The following NOS1 variants were observed in gnomAD, a reference collection of about 807,000 sequenced individuals.
NOS1 encodes the protein nitric oxide synthase 1.
NOS1 carries 51 observed loss-of-function variants against 164.5 expected under a neutral mutation model. The observed-to-expected ratio is 0.31, with a 90% CI of 0.25 to 0.39. NOS1 has a LOEUF of 0.39. NOS1 is among the 10% of genes least tolerant of loss of function. The pLI is 1.00. For missense variants in NOS1, 1,362 were observed against 1,885.6 expected (o/e 0.72, Z 5.14); for synonymous variants, 719 against 745.8 (o/e 0.96, Z 0.59).
At chr12:117,256,282 C>CTTTTTTTTTTTTTTTTTTTTTTTTTTTT (rs1566042530) in intron 16 of NOS1, among the ~76,000 whole-genome samples, 1 of 76,810 alleles carries the variant, frequency 1.3e-5, no homozygotes, top group African/African-American at 1.1e-4. Flanking sequence ...AAGGGATTTT[C>CTTTTTTTTTTTTTTTTTTTTTTTTTTTT]TGTTTTTTTT....
intron 2 of NOS1, among the ~76,000 whole-genome samples, chr12:117,324,276 G>A (rs1380064359): frequency 6.6e-6 from 1 of 152,178 alleles, no homozygotes; most frequent in East Asian, 1.9e-4. Flanking sequence ...CTATTTGTAA[G>A]TGACCAAGTG....
At chr12:117,223,174 C>G (rs796090110) in intron 25 of NOS1, among the ~76,000 whole-genome samples, 5 of 152,298 alleles carry the variant, frequency 3.3e-5, no homozygotes, top group African/African-American at 1.2e-4. Context: ...GGAGCCCCCA[C>G]CTGATGCCCA....
At chr12:117,303,149 G>C (rs919552904) in intron 3 of NOS1, among the ~76,000 whole-genome samples, 1 of 152,116 alleles carries the variant, frequency 6.6e-6, no homozygotes, top group Admixed American at 6.5e-5. Flanking sequence ...GCATTTTACT[G>C]GTTTGCCTTC....
Position 117,331,000 on chromosome 12 carries a change from T to G in NOS1, c.70A>C (p.Lys24Gln). 6.2e-7 allele frequency: 1 copy of G among 1,614,154 alleles called. No homozygotes were observed. Among genetic ancestry groups the G allele is most frequent in the Non-Finnish European group, 8.5e-7 (1 of 1,180,032 alleles). ...NVISVRLFKR[K>Q]VGGLGFLVKE... is the part of the protein sequence containing the mutation. ...ACCAGAAATCCCAGGCCCCCAACTT[T>G]GCGCTTGAAGAGACGAACAGAAATG... is the stretch of plus-strand genomic sequence containing the variant. Residue 24 changes from lysine to glutamine, a missense_variant, in exon 2 of 29, where the codon AAA becomes CAA. By Grantham distance (53) the Lys-to-Gln change is moderately conservative. Transcript: ENST00000317775. The surrounding 1 kb of genome is among the most constrained non-coding windows in gnomAD (Gnocchi z 4.6).
At chr12:117,260,845 G>C (rs144928947) in intron 13 of NOS1, among the ~76,000 whole-genome samples, 2 of 151,856 alleles carry the variant, frequency 1.3e-5, no homozygotes, top group African/African-American at 4.8e-5. Flanking sequence ...CTTCTCTAGA[G>C]ATAATGCTGG....
intron 2 of NOS1, among the ~76,000 whole-genome samples, chr12:117,325,912 C>A (rs1875222349): frequency 6.6e-6 from 1 of 152,154 alleles, no homozygotes; most frequent in Admixed American, 6.5e-5. Flanking sequence ...TTATAAGTTA[C>A]TTTTATGAGG....
intron 5 of NOS1, among the ~76,000 whole-genome samples, chr12:117,287,171 G>A (rs1872762325): frequency 1.3e-5 from 2 of 152,062 alleles, no homozygotes; most frequent in African/African-American, 4.8e-5. Flanking sequence ...CCAAGATCAT[G>A]CCACTGCACT....
Position 117,234,439 on chromosome 12 carries a change from G to A in NOS1, c.3235+126C>T. The A allele has an allele frequency of 1.1e-6, 1 of 944,636 alleles. No individual in the cohort carries two copies. The highest frequency in any genetic ancestry group is 1.7e-5 in the South Asian group (1 of 58,148). The allele number at this position is 944,636 out of a possible 1,614,324, so 58.5% of individuals were successfully genotyped here. Reference sequence around the variant, plus strand: ...AAGGGGGATATCTTTAGTCTCATAGGCTGTTAGCAACAGACACCCACTCTC... The same window carrying A: ...AAGGGGGATATCTTTAGTCTCATAGACTGTTAGCAACAGACACCCACTCTC... On this transcript the variant is annotated intron_variant, in intron 21 of 28. Coordinates refer to ENST00000317775, the MANE Select transcript of NOS1 (RefSeq NM_000620.5). The surrounding 1 kb of genome is among the most constrained non-coding windows in gnomAD (Gnocchi z 4.3).
chr12:117,282,426 G>A (rs1209660968), intron 7 of NOS1, among the ~76,000 whole-genome samples: 2 of 152,150 alleles, frequency 1.3e-5, no homozygotes, highest in Non-Finnish European at 2.9e-5. Context: ...GTCCAGAACT[G>A]TGTCCCTGCT....
chr12:117,308,893 C>T (rs1477620364), intron 3 of NOS1, among the ~76,000 whole-genome samples: 1 of 152,010 alleles, frequency 6.6e-6, no homozygotes, highest in African/African-American at 2.4e-5. Flanking sequence ...CCGTGCCTGG[C>T]CATAGATTAT....
chr12:117,304,029 G>A (rs1391664032), intron 3 of NOS1, among the ~76,000 whole-genome samples: 4 of 152,118 alleles, frequency 2.6e-5, no homozygotes, highest in Admixed American at 2.6e-4. Context: ...AAAATTAGCC[G>A]GGCGTGGCGG....
chr12:117,226,959 C>T (rs775473974), intron 23 of NOS1, among the ~76,000 whole-genome samples, 189 bp from the exon 24 acceptor site: 4 of 152,260 alleles, frequency 2.6e-5, no homozygotes, highest in Non-Finnish European at 5.9e-5. Flanking sequence ...TGTGCAACCA[C>T]CCAGGGTTCT....
At chr12:117,260,371 G>T in intron 14 of NOS1, 94 bp downstream of exon 14, 1 of 1,442,856 alleles carries the variant, frequency 6.9e-7, no homozygotes, top group Non-Finnish European at 9.5e-7. Flanking sequence ...TTCATCCTTT[G>T]CCAAAGGCTT....
At chr12:117,325,782 G>A (rs1403211899) in intron 2 of NOS1, among the ~76,000 whole-genome samples, 1 of 152,234 alleles carries the variant, frequency 6.6e-6, no homozygotes, top group Non-Finnish European at 1.5e-5. Context: ...ACACACCTGT[G>A]TCAGTCTCTG....
chr12:117,274,064 C>A (rs1210459519), intron 9 of NOS1, among the ~76,000 whole-genome samples: 2 of 152,172 alleles, frequency 1.3e-5, no homozygotes, highest in Non-Finnish European at 2.9e-5. Context: ...GAAAACTATT[C>A]ATCCACCAAG....
At chr12:117,283,014 T>C (rs905579377) in intron 7 of NOS1, among the ~76,000 whole-genome samples, 6 of 150,298 alleles carry the variant, frequency 4.0e-5, no homozygotes, top group Admixed American at 6.6e-5. Flanking sequence ...TTCCCCTCTA[T>C]GCACAGATTA....
In NOS1 at chr12:117,210,989, C is replaced by G. The variant is rs1956519081; in HGVS notation, c.*4320G>C. The G allele has an allele frequency of 1.1e-6, 1 of 925,994 alleles. No individual in the cohort carries two copies. The highest frequency in any genetic ancestry group is 1.8e-5 in the African/African-American group (1 of 55,878). 57.4% of individuals were successfully genotyped at this position (925,994 alleles called of 1,614,324 possible). A position where few individuals can be genotyped will look rare whatever the true frequency, so the allele number is the denominator to read the frequency against. ...TATTTTTTTTGAGATAAGAGTCTTG[C>G]TCTGTCACCCAGGCTGGAGTGCAGT... On this transcript the variant is annotated 3_prime_UTR_variant, in exon 29 of 29. Coordinates refer to ENST00000317775, the MANE Select transcript of NOS1 (RefSeq NM_000620.5).
intron 1 of NOS1, among the ~76,000 whole-genome samples, chr12:117,342,776 T>C (rs1365086957): frequency 6.6e-6 from 1 of 152,010 alleles, no homozygotes; most frequent in Non-Finnish European, 1.5e-5. Flanking sequence ...AAAGCAAGGC[T>C]GGGTATGGGG....
chr12:117,249,832 GACACT>G, intron 17 of NOS1, among the ~76,000 whole-genome samples: 1 of 152,292 alleles, frequency 6.6e-6, no homozygotes, highest in South Asian at 2.1e-4. Flanking sequence ...CAGTCCTTCA[GACACT>G]TTCTGCTACA....
Sources: gnomAD v4.1 joint callset for allele counts (sites outside exome capture counted in the v4.1 genomes callset) on GRCh38, gnomAD v4.1.1 for gene constraint, Gnocchi (gnomAD v3.1) non-coding constraint, MANE v1.5 for transcripts, NCBI Gene and HGNC (gene_info 2026-07-23, HGNC 2026-07-21) for gene names.